Variants in RIC3 observed in about 807,000 individuals in gnomAD.
The protein encoded by RIC3 is protein RIC-3.
Under a neutral mutation model 27.3 loss-of-function variants are expected in RIC3, and 28 were observed. That is an observed-to-expected ratio of 1.02 (90% CI 0.76 to 1.41). RIC3 has a LOEUF of 1.41. RIC3 is among the 40% of genes most tolerant of loss of function. RIC3 has a pLI of 0.00. For synonymous variants in RIC3, 184 were observed against 160.4 expected, an observed-to-expected ratio of 1.15 and a Z score of -1.11; for missense variants, 501 against 444.7, an observed-to-expected ratio of 1.13 and a Z score of -1.14.
At chr11:8,163,317 G>A (rs1042764087) in intron 1 of RIC3, among the ~76,000 whole-genome samples, 5 of 152,080 alleles carry the variant, frequency 3.3e-5, no homozygotes, top group East Asian at 1.9e-4. Flanking sequence ...AGGCATCTAC[G>A]AAATGCCCCC....
At chr11:8,116,673 T>C (rs1488437460) in intron 5 of RIC3, among the ~76,000 whole-genome samples, 1 of 152,174 alleles carries the variant, frequency 6.6e-6, no homozygotes, top group Non-Finnish European at 1.5e-5. Context: ...CTCAACATCA[T>C]TAAACATTCA....
chr11:8,142,464 A>G (rs1301145647), intron 1 of RIC3, among the ~76,000 whole-genome samples: 6 of 151,052 alleles, frequency 4.0e-5, no homozygotes, highest in Non-Finnish European at 5.9e-5. Flanking sequence ...ACACTCTCCC[A>G]AGACTAAACC....
intron 1 of RIC3, among the ~76,000 whole-genome samples, chr11:8,140,851 G>C (rs191267652): frequency 6.6e-6 from 1 of 151,962 alleles, no homozygotes; most frequent in Admixed American, 6.6e-5. Flanking sequence ...AACCCTACAA[G>C]CCAGAAGAGA....
chr11:8,142,433 T>C (rs1949185059), intron 1 of RIC3, among the ~76,000 whole-genome samples: 1 of 151,292 alleles, frequency 6.6e-6, no homozygotes, highest in African/African-American at 2.4e-5. Flanking sequence ...CTAGAAGAAA[T>C]GGATAAATTC....
intron 1 of RIC3, among the ~76,000 whole-genome samples, chr11:8,156,704 A>C (rs1191262386): frequency 6.6e-6 from 1 of 151,984 alleles, no homozygotes; most frequent in Non-Finnish European, 1.5e-5. Context: ...CTCCAACTCC[A>C]CATATCTAAA....
chr11:8,119,338 A>G (rs1269017582), intron 5 of RIC3, among the ~76,000 whole-genome samples: 1 of 152,222 alleles, frequency 6.6e-6, no homozygotes, highest in East Asian at 1.9e-4. Context: ...TACTGGTACC[A>G]AAATAGAGAT....
At chr11:8,138,436 G>C (rs543762349) in intron 2 of RIC3, 89 bp from the exon 3 acceptor site, 187 of 714,900 alleles carry the variant, frequency 2.6e-4, no homozygotes, top group Non-Finnish European at 3.8e-4. Flanking sequence ...AAAAGGTTGG[G>C]AAACAAAAAT....
At chr11:8,096,017 C>A in the RIC3 span, among the ~76,000 whole-genome samples, 1 of 152,190 alleles carries the variant, frequency 6.6e-6, no homozygotes, top group African/African-American at 2.4e-5. Context: ...CACCACAAGC[C>A]CTGCCCTAGG....
At chr11:8,104,557 C>T (rs967671662), downstream of RIC3, 3 of 152,180 alleles carry the variant, frequency 2.0e-5, no homozygotes, top group Non-Finnish European at 4.4e-5. Context: ...TTGTTATGAT[C>T]GCCTGTGGAT....
At chr11:8,093,971 C>CAAAAA in the RIC3 span, 176 of 1,581,424 alleles carry the variant, frequency 1.1e-4, no homozygotes, top group Non-Finnish European at 1.5e-4. Flanking sequence ...GTGCTGGGGA[C>CAAAAA]TGTGTTCAGG....
chr11:8,101,434 C>G, downstream of RIC3: 1 of 1,608,462 alleles, frequency 6.2e-7, no homozygotes, highest in Non-Finnish European at 8.5e-7. Context: ...TTCCCTGGCT[C>G]TACCATTCCT....
chr11:8,136,530 C>A (rs1219514108), intron 4 of RIC3, among the ~76,000 whole-genome samples: 1 of 152,210 alleles, frequency 6.6e-6, no homozygotes, highest in Admixed American at 6.5e-5. Flanking sequence ...CTTCTATCAA[C>A]CTCCTGAAGC....
At chr11:8,140,349 C>T (rs566924604) in intron 1 of RIC3, among the ~76,000 whole-genome samples, 156 bp from the exon 2 acceptor site, 2 of 152,120 alleles carry the variant, frequency 1.3e-5, no homozygotes, top group African/African-American at 4.8e-5. Flanking sequence ...TCACACATAT[C>T]CTAAATATGA....
chr11:8,100,151 A>G, the RIC3 span, among the ~76,000 whole-genome samples: 2 of 152,322 alleles, frequency 1.3e-5, no homozygotes, highest in Admixed American at 6.5e-5. Flanking sequence ...CTAGTGGTGA[A>G]AAGTGGTGGA....
At chr11:8,118,314 G>A (rs1374242437) in intron 5 of RIC3, among the ~76,000 whole-genome samples, 1 of 150,496 alleles carries the variant, frequency 6.6e-6, no homozygotes, top group African/African-American at 2.4e-5. Context: ...AGTTCAAAAT[G>A]AGGGAACAAA....
chr11:8,127,024 A>G, intron 4 of RIC3: 1 of 585,430 alleles, frequency 1.7e-6, no homozygotes, highest in Non-Finnish European at 3.0e-6. Flanking sequence ...AGAATAGATC[A>G]AGTGATTGCC....
chr11:8,100,831 T>C, the RIC3 span: 1 of 1,613,934 alleles, frequency 6.2e-7, no homozygotes, highest in South Asian at 1.1e-5. Context: ...CCCAGGAGCA[T>C]GAGACACTGC....
At chr11:8,148,459 C>T (rs1377073766) in intron 1 of RIC3, among the ~76,000 whole-genome samples, 1 of 152,170 alleles carries the variant, frequency 6.6e-6, no homozygotes. Context: ...GTTCAATAAA[C>T]TGGATCTAAT....
chr11:8,161,985 C>T (rs1951210748), intron 1 of RIC3, among the ~76,000 whole-genome samples: 1 of 109,002 alleles, frequency 9.2e-6, no homozygotes, highest in Non-Finnish European at 1.9e-5. Context: ...TCACTTTCTC[C>T]GGGCAATGGA....
Sources: allele counts gnomAD v4.1 joint callset (sites outside exome capture counted in the v4.1 genomes callset), GRCh38; gene constraint gnomAD v4.1.1; transcripts MANE v1.5; gene names NCBI Gene and HGNC (gene_info 2026-07-23, HGNC 2026-07-21).